Variants in SPINK5 observed in about 807,000 individuals in gnomAD.
SPINK5 encodes serine peptidase inhibitor Kazal type 5.
SPINK5 carries 125 observed loss-of-function variants against 151.8 expected under a neutral mutation model. The observed-to-expected ratio is 0.82, with a 90% confidence interval of 0.71 to 0.96. The LOEUF is 0.96. Ranked by LOEUF, SPINK5 falls within the 40% of genes least tolerant of loss-of-function variation. The pLI, the probability that SPINK5 is intolerant of heterozygous loss-of-function variation, is 0.00. For synonymous variants in SPINK5, 374 were observed against 395.3 expected (o/e 0.95, Z 0.64); for missense variants, 1,194 against 1,291.9 (o/e 0.92, Z 1.16).
chr5:148,126,082 A>C (rs1754423906), intron 29 of SPINK5, among the ~76,000 whole-genome samples: 1 of 152,228 alleles, frequency 6.6e-6, no homozygotes, highest in South Asian at 2.1e-4. Context: ...TGTGTCATTA[A>C]ACAATTTGTT....
chr5:148,096,133 C>G (rs1753454022), intron 10 of SPINK5, among the ~76,000 whole-genome samples: 1 of 151,880 alleles, frequency 6.6e-6, no homozygotes, highest in Non-Finnish European at 1.5e-5. Flanking sequence ...AATCAAGTCA[C>G]ATTAATAATG....
intron 7 of SPINK5, chr5:148,090,636 A>T (rs1430980980): frequency 2.6e-5 from 4 of 153,614 alleles, no homozygotes; most frequent in Non-Finnish European, 1.4e-5. Context: ...TTAAAGCTCA[A>T]TTCAAATGTA....
At chr5:148,127,722 G>A (rs978624415) in intron 30 of SPINK5, among the ~76,000 whole-genome samples, 23 of 152,038 alleles carry the variant, frequency 1.5e-4, no homozygotes, top group Admixed American at 6.6e-5. Context: ...GCTGGGCATG[G>A]TGCCTTGTGC....
chr5:148,098,041 G>A, intron 11 of SPINK5, 47 bp downstream of exon 11: 1 of 1,577,686 alleles, frequency 6.3e-7, no homozygotes, highest in Non-Finnish European at 8.7e-7. Flanking sequence ...GATCTTGCAG[G>A]TAATTTAATA....
Position 148,094,245 on chromosome 5 carries a change from T to C in SPINK5, c.667-109T>C. ...AGAGGTTAGAGGCTTCACTGAGCTATGATCATTCCCCTGCAATCCACCCTG... is the reference window on the plus strand; with the variant it reads ...AGAGGTTAGAGGCTTCACTGAGCTACGATCATTCCCCTGCAATCCACCCTG... On this transcript the variant is annotated intron_variant, in intron 8 of 32. Coordinates refer to ENST00000256084, the MANE Select transcript of SPINK5 (RefSeq NM_006846.4). The C allele has an allele frequency of 2.4e-6, 3 of 1,247,464 alleles. 1 individual carries two copies. In the South Asian group the frequency reaches 3.8e-5, roughly 16 times the overall value. The allele number at this position is 1,247,464 out of a possible 1,614,324, so 77.3% of individuals were successfully genotyped here.
Position 148,119,060 on chromosome 5 carries a change from T to G in SPINK5, c.2313+2T>G, listed in dbSNP as rs768628230. 5.6e-6 allele frequency: 9 copies of G among 1,613,504 alleles called. No homozygotes were observed. The highest frequency in any genetic ancestry group is 1.7e-5 in the Admixed American group (1 of 59,956). ...GGGACTGGATCAGAATCAGGGAAGG[T>G]GAGTTATTTTTTGGGTTTTGGCAAG... is the stretch of plus-strand genomic sequence containing the variant. On this transcript the variant is annotated splice_donor_variant, in intron 24 of 32. Transcript: ENST00000256084. LOFTEE classifies it high-confidence loss of function.
Position 148,117,623 on chromosome 5 carries a change from G to A in SPINK5, c.2113-814G>A, listed in dbSNP as rs558284934. On this transcript the variant is annotated intron_variant, in intron 22 of 32. Coordinates refer to ENST00000256084, the MANE Select transcript of SPINK5 (RefSeq NM_006846.4). ...GATCTTCCCTGTGGGCTATACAATT[G>A]AACCTTGAACAACATGGGTTTGAAT... 2.0e-5 allele frequency among the ~76,000 whole-genome samples: 3 copies of A among 152,268 alleles called. No homozygotes were observed. The South Asian group carries it at 6.2e-4, about 32-fold the overall frequency.
intron 6 of SPINK5, 63 bp downstream of exon 6, chr5:148,088,668 G>T: frequency 6.6e-7 from 1 of 1,518,342 alleles, no homozygotes; most frequent in Non-Finnish European, 9.1e-7. Context: ...GTAAGTAGGT[G>T]CTCTCCTCTT....
chr5:148,071,465 G>A (rs770444008), intron 3 of SPINK5, among the ~76,000 whole-genome samples: 2 of 152,002 alleles, frequency 1.3e-5, no homozygotes, highest in Non-Finnish European at 2.9e-5. Flanking sequence ...AAAGCTGAAT[G>A]TAAACCAGCA....
At chr5:148,066,147 G>C (rs558060195) in intron 2 of SPINK5, among the ~76,000 whole-genome samples, 52 of 152,262 alleles carry the variant, frequency 3.4e-4, no homozygotes, top group Admixed American at 3.3e-4. Flanking sequence ...TTTACAGCAG[G>C]CCAGACAGAA....
At chr5:148,089,443 TG>T (rs1260486180) in intron 6 of SPINK5, 50 bp from the exon 7 acceptor site, 11 of 1,610,578 alleles carry the variant, frequency 6.8e-6, no homozygotes, top group African/African-American at 1.3e-5. Context: ...AAAACAGTGT[TG>T]TCAGCATTAC....
At chr5:148,075,365 G>A (rs1752850943) in intron 4 of SPINK5, among the ~76,000 whole-genome samples, 1 of 150,500 alleles carries the variant, frequency 6.6e-6, no homozygotes, top group East Asian at 2.0e-4. Flanking sequence ...TAAATTTCTG[G>A]ATATATTTCT....
chr5:148,103,667 GA>G, intron 15 of SPINK5, among the ~76,000 whole-genome samples: 1 of 152,122 alleles, frequency 6.6e-6, no homozygotes, highest in South Asian at 2.1e-4. Context: ...ATTCTTTATT[GA>G]AAAGAAATAA....
intron 9 of SPINK5, among the ~76,000 whole-genome samples, chr5:148,094,827 A>T (rs372737981): frequency 3.3e-5 from 5 of 151,970 alleles, no homozygotes; most frequent in Non-Finnish European, 2.9e-5. Flanking sequence ...GTTTTTCTTC[A>T]GTAATTATCC....
In SPINK5 at chr5:148,111,853, G is replaced by A; in HGVS notation, c.1778G>A (p.Gly593Glu). The A allele has an allele frequency of 2.5e-6, 4 of 1,614,008 alleles. No homozygotes were observed. Among genetic ancestry groups the A allele is most frequent in the Non-Finnish European group, 3.4e-6 (4 of 1,179,938 alleles). Residue 593 changes from glycine (G) to glutamate (E), a missense_variant, in exon 19 of 33, where the codon GGG (glycine) becomes GAG (glutamate). Coordinates refer to ENST00000256084, the MANE Select transcript of SPINK5 (RefSeq NM_006846.4). ...AATGATCCTATTGAGGGTCTAGATG[G>A]GAAAATCCACGGCAACACCTGCTCC... ...RENDPIEGLDGKIHGNTCSMC... is the reference protein window; with the variant it reads ...RENDPIEGLDEKIHGNTCSMC...
At chr5:148,103,425 T>C (rs1485745891) in intron 15 of SPINK5, among the ~76,000 whole-genome samples, 1 of 152,160 alleles carries the variant, frequency 6.6e-6, no homozygotes, top group African/African-American at 2.4e-5. Flanking sequence ...TTTCAGCCTG[T>C]TTTTTGTTCT....
intron 28 of SPINK5, 168 bp downstream of exon 28, chr5:148,125,005 G>T: frequency 9.9e-7 from 1 of 1,007,288 alleles, no homozygotes; most frequent in Non-Finnish European, 1.3e-6. Flanking sequence ...GGGGGTTTGG[G>T]GGTTTGATAC....
In SPINK5 at chr5:148,131,244, T is replaced by G; in HGVS notation, c.2965-15T>G. The G allele has an allele frequency of 4.3e-6, 7 of 1,613,648 alleles. No individual in the cohort carries two copies. Among genetic ancestry groups the G allele is most frequent in the Non-Finnish European group, 5.9e-6 (7 of 1,179,624 alleles). On this transcript the variant is annotated splice_polypyrimidine_tract_variant and intron_variant, in intron 30 of 32. Coordinates refer to ENST00000256084, the MANE Select transcript of SPINK5 (RefSeq NM_006846.4). ...ATGCCATAAAGTACGTCTGCTTTAT[T>G]TTTTGCTTCTTCAGGATTCTGAGAT...
chr5:148,118,313 G>A (rs540901763), intron 22 of SPINK5, 124 bp from the exon 23 acceptor site: 32 of 1,455,326 alleles, frequency 2.2e-5, no homozygotes, highest in South Asian at 1.4e-4. Flanking sequence ...CACCGTACCC[G>A]GCAATGTTAT....
Sources: allele counts gnomAD v4.1 joint callset (sites outside exome capture counted in the v4.1 genomes callset), GRCh38; gene constraint gnomAD v4.1.1; transcripts MANE v1.5; gene names NCBI Gene and HGNC (gene_info 2026-07-23, HGNC 2026-07-21).